Variants in SLC41A2 observed in about 807,000 individuals in gnomAD.
SLC41A2 encodes SLC41A1-like 1.
Under a neutral mutation model 58.3 loss-of-function variants are expected in SLC41A2, and 32 were observed. The observed-to-expected ratio is 0.55, with a 90% CI of 0.41 to 0.74. SLC41A2 has a LOEUF of 0.74. Among genes scored for constraint, SLC41A2 ranks in the 30% least tolerant of loss-of-function variants. SLC41A2 has a pLI of 0.00. For missense variants in SLC41A2, 514 were observed against 680.6 expected (o/e 0.76, Z 2.72); for synonymous variants, 190 against 235.0 (o/e 0.81, Z 1.75).
chr12:104,953,022 C>T (rs4630370), intron 1 of SLC41A2, among the ~76,000 whole-genome samples: 88,946 of 152,028 alleles, frequency 0.59, 27,024 homozygotes, highest in African/African-American at 0.74. Flanking sequence ...CTTGTACTAA[C>T]TGTTTTTCTA....
At chr12:104,943,576 T>A (rs541325567) in intron 1 of SLC41A2, among the ~76,000 whole-genome samples, 1 of 152,248 alleles carries the variant, frequency 6.6e-6, no homozygotes, top group Non-Finnish European at 1.5e-5. Flanking sequence ...CATACTCCGA[T>A]GTTAATGACA....
intron 10 of SLC41A2, among the ~76,000 whole-genome samples, chr12:104,829,702 C>T (rs1245214597): frequency 6.6e-6 from 1 of 151,842 alleles, no homozygotes; most frequent in East Asian, 1.9e-4. Context: ...AAGTGTGCAG[C>T]CCTCCAAGCA....
intron 2 of SLC41A2, among the ~76,000 whole-genome samples, chr12:104,915,612 T>A (rs972591020): frequency 1.3e-5 from 2 of 152,242 alleles, no homozygotes; most frequent in Non-Finnish European, 2.9e-5. Context: ...TTTTTGTACA[T>A]TGATTTTGTA....
At chr12:104,874,437 C>G (rs1041927484) in intron 6 of SLC41A2, among the ~76,000 whole-genome samples, 3 of 152,242 alleles carry the variant, frequency 2.0e-5, no homozygotes, top group Non-Finnish European at 2.9e-5. Flanking sequence ...TGTCAAGGAG[C>G]TTTTCTCCTA....
At chr12:104,830,578 GT>G (rs11299610) in intron 10 of SLC41A2, among the ~76,000 whole-genome samples, 2,749 of 152,114 alleles carry the variant, frequency 0.018, 104 homozygotes, top group African/African-American at 0.062. Context: ...AATTTTTTAA[GT>G]TTTCAGTTTT....
chr12:104,866,292 T>G (rs1041994036), intron 7 of SLC41A2, 140 bp downstream of exon 7: 3 of 1,216,134 alleles, frequency 2.5e-6, no homozygotes, highest in African/African-American at 3.1e-5. Context: ...TATAAAATAA[T>G]TAACCTAAGA....
intron 6 of SLC41A2, among the ~76,000 whole-genome samples, chr12:104,870,435 C>T (rs542336948): frequency 1.3e-5 from 2 of 152,136 alleles, no homozygotes; most frequent in Non-Finnish European, 2.9e-5. Context: ...AACAAAAAAA[C>T]CCAAAAAACA....
At chr12:104,899,355 CT>C (rs951280625) in intron 3 of SLC41A2, among the ~76,000 whole-genome samples, 3 of 152,132 alleles carry the variant, frequency 2.0e-5, no homozygotes, top group Non-Finnish European at 2.9e-5. Context: ...CTTTCCACAT[CT>C]AGTGATTTTG....
At chr12:104,838,367 T>C (rs2042284686) in intron 10 of SLC41A2, among the ~76,000 whole-genome samples, 1 of 152,200 alleles carries the variant, frequency 6.6e-6, no homozygotes, top group Non-Finnish European at 1.5e-5. Flanking sequence ...GTTATAAGTT[T>C]TGTCATGAGG....
At chr12:104,834,026 C>G in intron 10 of SLC41A2, 1 of 985,332 alleles carries the variant, frequency 1.0e-6, no homozygotes. Context: ...TTGAGCTTCC[C>G]TGGTTCTACC....
At position 104,874,976 on chromosome 12, in the gene SLC41A2, C is replaced by A. The variant is rs1006051068; in HGVS notation, c.1028-8397G>T. On this transcript the variant is annotated intron_variant, in intron 6 of 10. Coordinates refer to ENST00000258538, the MANE Select transcript of SLC41A2 (RefSeq NM_001352171.3). ...TCTTCCAATCCATAAACATGGAATA[C>A]CTTTCCATTTATTTGTGTCTTCTTC... Among the ~76,000 whole-genome samples the A allele has an allele frequency of 5.9e-5, 9 of 152,066 alleles. No homozygotes were observed. In the South Asian group the frequency reaches 1.4e-3, roughly 24 times the overall value.
chr12:104,919,536 A>C (rs1489002717), intron 2 of SLC41A2, among the ~76,000 whole-genome samples: 2 of 152,182 alleles, frequency 1.3e-5, no homozygotes, highest in Non-Finnish European at 2.9e-5. Flanking sequence ...TATTTTAGCC[A>C]TTCTGATAGG....
chr12:104,917,502 G>A (rs2046380545), intron 2 of SLC41A2, among the ~76,000 whole-genome samples: 1 of 151,862 alleles, frequency 6.6e-6, no homozygotes, highest in South Asian at 2.1e-4. Flanking sequence ...TATAAATCAT[G>A]CTGCTATAAA....
intron 10 of SLC41A2, among the ~76,000 whole-genome samples, chr12:104,830,404 A>G (rs1004823027): frequency 5.9e-5 from 9 of 152,192 alleles, no homozygotes; most frequent in African/African-American, 2.2e-4. Flanking sequence ...ATGCCAACAC[A>G]TCACTTCACT....
At chr12:104,896,946 G>A (rs1256813248) in intron 3 of SLC41A2, among the ~76,000 whole-genome samples, 5 of 152,058 alleles carry the variant, frequency 3.3e-5, no homozygotes, top group African/African-American at 9.7e-5. Flanking sequence ...AGACTTCCTC[G>A]CTGTAATGCA....
chr12:104,926,331 T>C (rs1020677655), intron 2 of SLC41A2, among the ~76,000 whole-genome samples: 1 of 152,184 alleles, frequency 6.6e-6, no homozygotes, highest in African/African-American at 2.4e-5. Flanking sequence ...CTAGACATGG[T>C]GGGTCATGCC....
intron 1 of SLC41A2, among the ~76,000 whole-genome samples, chr12:104,934,493 A>T (rs1436883483): frequency 1.4e-5 from 2 of 142,724 alleles, no homozygotes; most frequent in Non-Finnish European, 3.0e-5. Context: ...TGTACAAGAC[A>T]GACGTTTAGA....
chr12:104,812,240 A>T (rs138875221), intron 10 of SLC41A2, among the ~76,000 whole-genome samples: 1 of 152,306 alleles, frequency 6.6e-6, no homozygotes, highest in East Asian at 1.9e-4. Flanking sequence ...CCCTACTTCC[A>T]TGTTACTTAA....
chr12:104,856,325 G>A (rs781138082), intron 8 of SLC41A2, among the ~76,000 whole-genome samples: 2 of 152,152 alleles, frequency 1.3e-5, no homozygotes, highest in African/African-American at 2.4e-5. Flanking sequence ...ATAGTAAATA[G>A]TATTAAACAA....
Sources: gnomAD v4.1 joint callset for allele counts (sites outside exome capture counted in the v4.1 genomes callset) on GRCh38, gnomAD v4.1.1 for gene constraint, MANE v1.5 for transcripts, NCBI Gene and HGNC (gene_info 2026-07-23, HGNC 2026-07-21) for gene names.